Variants in ALKBH8 observed in about 807,000 individuals in gnomAD.
ALKBH8 encodes tRNA (carboxymethyluridine(34)-5-O)-methyltransferase ALKBH8.
Under a neutral mutation model 59.8 loss-of-function variants are expected in ALKBH8, and 36 were observed. The observed-to-expected ratio is 0.60, with a 90% CI of 0.46 to 0.79. The LOEUF is 0.79. Ranked by LOEUF, ALKBH8 falls within the 30% of genes least tolerant of loss-of-function variation. The probability of loss-of-function intolerance (pLI) is 0.00; values close to 1 mark genes in which losing one functional copy is unlikely to be tolerated. For missense variants in ALKBH8, 768 were observed against 801.0 expected (o/e 0.96, Z 0.50); for synonymous variants, 276 against 273.6 (o/e 1.01, Z -0.09).
chr11:107,504,320 CAT>C lies in ALKBH8; in HGVS notation c.*336_*337del. On this transcript the variant is annotated 3_prime_UTR_variant, in exon 12 of 12. Coordinates refer to ENST00000428149, the MANE Select transcript of ALKBH8 (RefSeq NM_138775.3). ...ATATAATTACATCCCTAAAATCCTA[CAT>C]GATTTACTACATTTAGTAGCACTTT... The C allele has an allele frequency of 1.8e-6, 1 of 542,216 alleles. No individual in the cohort carries two copies. The highest frequency in any genetic ancestry group is 2.7e-5 in the South Asian group (1 of 36,472). 33.6% of individuals were successfully genotyped at this position (542,216 alleles called of 1,614,324 possible).
intron 7 of ALKBH8, among the ~76,000 whole-genome samples, chr11:107,549,325 A>C (rs1864400038): frequency 6.6e-6 from 1 of 152,190 alleles, no homozygotes; most frequent in African/African-American, 2.4e-5. Flanking sequence ...TACTTCTCAG[A>C]GTTTTTGAAG....
intron 7 of ALKBH8, among the ~76,000 whole-genome samples, chr11:107,533,870 T>G (rs1184348517): frequency 6.6e-6 from 1 of 152,208 alleles, no homozygotes; most frequent in Non-Finnish European, 1.5e-5. Context: ...GGCTCATGCC[T>G]GTAATCCCAG....
intron 7 of ALKBH8, among the ~76,000 whole-genome samples, chr11:107,533,188 G>T (rs1378456705): frequency 6.6e-6 from 1 of 152,078 alleles, no homozygotes; most frequent in Non-Finnish European, 1.5e-5. Context: ...TCTAAAAATA[G>T]CAGCAGCTGA....
intron 10 of ALKBH8, among the ~76,000 whole-genome samples, chr11:107,518,448 C>A (rs1427596187): frequency 6.6e-6 from 1 of 152,202 alleles, no homozygotes; most frequent in South Asian, 2.1e-4. Flanking sequence ...TAAACTGGCC[C>A]CAAAACTGGC....
intron 10 of ALKBH8, among the ~76,000 whole-genome samples, chr11:107,518,388 G>A (rs1197694643): frequency 6.6e-6 from 1 of 152,204 alleles, no homozygotes; most frequent in Non-Finnish European, 1.5e-5. Flanking sequence ...CTGAACTCCT[G>A]GAGAGCTGGG....
intron 7 of ALKBH8, among the ~76,000 whole-genome samples, chr11:107,548,828 T>C (rs945055352): frequency 1.3e-5 from 2 of 151,050 alleles, no homozygotes; most frequent in Non-Finnish European, 2.9e-5. Context: ...TAAGGACTCT[T>C]CCAGATTTAA....
chr11:107,565,463 G>C, intron 1 of ALKBH8, 138 bp downstream of exon 1: 2 of 1,222,582 alleles, frequency 1.6e-6, no homozygotes, highest in Non-Finnish European at 2.3e-6. Flanking sequence ...ACTGCACCAA[G>C]GGCGCCTCTG....
Position 107,553,218 on chromosome 11 carries a change from C to G in ALKBH8, c.500-15G>C, listed in dbSNP as rs1864568391. The G allele has an allele frequency of 6.7e-7, 1 of 1,488,450 alleles. No homozygotes were observed. Among genetic ancestry groups the G allele is most frequent in the Non-Finnish European group, 9.2e-7 (1 of 1,089,608 alleles). The allele number at this position is 1,488,450 out of a possible 1,614,324, so 92.2% of individuals were successfully genotyped here. A position where few individuals can be genotyped will look rare whatever the true frequency, so the allele number is the denominator to read the frequency against. On this transcript the variant is annotated splice_polypyrimidine_tract_variant and intron_variant, in intron 4 of 11. Transcript: ENST00000428149. ...GGATTTTTGAGCTGTGTGAAGAGAA[C>G]AAAGTAAACAATTAAGAAGGAAAAG...
chr11:107,507,719 G>A (rs1862449246), intron 11 of ALKBH8, among the ~76,000 whole-genome samples: 1 of 152,070 alleles, frequency 6.6e-6, no homozygotes, highest in East Asian at 1.9e-4. Context: ...GTGGTGTCAG[G>A]GAAGAAGAGA....
chr11:107,527,704 G>A (rs1863411861), intron 8 of ALKBH8, among the ~76,000 whole-genome samples: 1 of 151,790 alleles, frequency 6.6e-6, no homozygotes, highest in South Asian at 2.1e-4. Context: ...TATTAGTTCT[G>A]GAACTTGTAT....
chr11:107,546,448 G>C (rs1037451932), intron 7 of ALKBH8, among the ~76,000 whole-genome samples: 1 of 152,126 alleles, frequency 6.6e-6, no homozygotes, highest in Non-Finnish European at 1.5e-5. Context: ...GACTTCACAG[G>C]TATATGTTAT....
chr11:107,504,809 C>G lies in ALKBH8; in HGVS notation c.1844G>C (p.Gly615Ala). ...AAACACAGGACTTGGGTCCTGGGAT[C>G]CTATGGGACCAAATGGCTCAACAGG... ...GKPVEPFGPI[G>A]SQDPSPVFHR... is the part of the protein sequence containing the mutation. The change falls in exon 12 of 12, where the codon GGA (glycine) becomes GCA (alanine). Residue 615 changes from glycine to alanine, a missense_variant. Coordinates refer to ENST00000428149, the MANE Select transcript of ALKBH8 (RefSeq NM_138775.3). The G allele has an allele frequency of 6.4e-7, 1 of 1,551,834 alleles. No homozygotes were observed. Among genetic ancestry groups the G allele is most frequent in the Non-Finnish European group, 8.7e-7 (1 of 1,147,006 alleles).
chr11:107,564,897 G>A (rs1865070484), intron 1 of ALKBH8, among the ~76,000 whole-genome samples: 2 of 152,152 alleles, frequency 1.3e-5, no homozygotes, highest in East Asian at 3.9e-4. Context: ...ACCATTTGTC[G>A]AATAAACCTA....
At chr11:107,546,938 G>C (rs983530141) in intron 7 of ALKBH8, among the ~76,000 whole-genome samples, 1 of 152,040 alleles carries the variant, frequency 6.6e-6, no homozygotes, top group Non-Finnish European at 1.5e-5. Context: ...TTATATTAAA[G>C]TTAAGAATAC....
intron 10 of ALKBH8, among the ~76,000 whole-genome samples, chr11:107,514,154 T>A (rs1862758546): frequency 6.6e-6 from 1 of 152,212 alleles, no homozygotes; most frequent in African/African-American, 2.4e-5. Flanking sequence ...AATGTAATAT[T>A]GTCTCTGATA....
At chr11:107,543,925 C>T (rs533031639) in intron 7 of ALKBH8, among the ~76,000 whole-genome samples, 182 of 152,188 alleles carry the variant, frequency 1.2e-3, no homozygotes, top group African/African-American at 4.1e-3. Flanking sequence ...AGACTGTGGC[C>T]CCTCACAGAT....
intron 7 of ALKBH8, among the ~76,000 whole-genome samples, chr11:107,538,063 T>C (rs665905): frequency 0.48 from 72,668 of 151,852 alleles, 18,248 homozygotes; most frequent in Non-Finnish European, 0.56. Context: ...ATTTTATGAC[T>C]ACAAGACACA....
intron 10 of ALKBH8, among the ~76,000 whole-genome samples, chr11:107,518,905 C>T (rs1862988173): frequency 6.6e-6 from 1 of 152,154 alleles, no homozygotes; most frequent in Admixed American, 6.6e-5. Context: ...TCCTCTAGCA[C>T]CACTAGGTTA....
In ALKBH8 at chr11:107,510,889, C is replaced by A. The variant is rs1387335172; in HGVS notation, c.1435G>T (p.Ala479Ser). 1.3e-6 allele frequency: 2 copies of A among 1,551,008 alleles called. No homozygotes were observed. The highest frequency in any genetic ancestry group is 1.4e-5 in the African/African-American group (1 of 73,014). The part of the protein sequence containing the change: ...SIAVIHHFAT[A>S]ERRVAALQEI... ...AGAGAAAGAAAGACCATACTTACTG[C>A]TGTTGCAAAATGATGAATAACAGCA... Residue 479 changes from alanine to serine, a missense_variant and splice_region_variant, in exon 11 of 12, where the codon GCA (alanine) becomes TCA (serine). Transcript: ENST00000428149.
Sources: gnomAD v4.1 joint callset for allele counts (sites outside exome capture counted in the v4.1 genomes callset) on GRCh38, gnomAD v4.1.1 for gene constraint, MANE v1.5 for transcripts, NCBI Gene and HGNC (gene_info 2026-07-23, HGNC 2026-07-21) for gene names.